TASP1: variants seen among roughly 807,000 people sequenced by gnomAD.
The protein encoded by TASP1 is taspase 1, also known as threonine aspartase 1.
A neutral mutation model predicts 56.6 loss-of-function variants in TASP1; 16 were observed. That is an observed-to-expected ratio of 0.28 (90% CI 0.19 to 0.43). The LOEUF is 0.43. TASP1 is among the 20% of genes least tolerant of loss of function. TASP1 has a pLI of 1.00. For synonymous variants in TASP1, 179 were observed against 184.2 expected, an observed-to-expected ratio of 0.97 and a Z score of 0.23; for missense variants, 393 against 511.6, an observed-to-expected ratio of 0.77 and a Z score of 2.24.
the TASP1 span, among the ~76,000 whole-genome samples, chr20:13,264,846 C>A: frequency 2.6e-5 from 4 of 152,178 alleles, no homozygotes; most frequent in South Asian, 8.3e-4. Context: ...TTCATCTCAG[C>A]AGAGCTTTCC....
the TASP1 span, among the ~76,000 whole-genome samples, chr20:13,304,135 T>C: frequency 5.9e-5 from 9 of 152,140 alleles, no homozygotes; most frequent in Non-Finnish European, 2.9e-5. Flanking sequence ...TTTTTGTAGG[T>C]TCAGCAGTGA....
chr20:13,504,934 A>G (rs1488848771), intron 10 of TASP1, among the ~76,000 whole-genome samples: 1 of 152,152 alleles, frequency 6.6e-6, no homozygotes, highest in Non-Finnish European at 1.5e-5. Context: ...CGGCAATAGT[A>G]CATCCCTACT....
chr20:13,300,924 T>A, the TASP1 span, among the ~76,000 whole-genome samples: 1 of 152,208 alleles, frequency 6.6e-6, no homozygotes, highest in African/African-American at 2.4e-5. Context: ...ACAGCCCAGA[T>A]GAGCAGGGCC....
At chr20:13,299,160 C>A in the TASP1 span, 100 of 1,610,538 alleles carry the variant, frequency 6.2e-5, no homozygotes, top group Non-Finnish European at 8.2e-5. This position sits in a 1 kb window ranked among gnomAD's most constrained non-coding sequence, Gnocchi z 5.8. Flanking sequence ...GCCCACTGCC[C>A]GGTACTGCAT....
chr20:13,603,515 T>C (rs1346290024), intron 4 of TASP1, among the ~76,000 whole-genome samples: 1 of 152,072 alleles, frequency 6.6e-6, no homozygotes, highest in Non-Finnish European at 1.5e-5. Context: ...ACTCTCCAGC[T>C]TGGGAAACAC....
the TASP1 span, among the ~76,000 whole-genome samples, chr20:13,129,941 G>GAAAA: frequency 6.8e-6 from 1 of 147,068 alleles, no homozygotes; most frequent in Non-Finnish European, 1.5e-5. Context: ...TCTTAAGAGA[G>GAAAA]AAAAAAAAAA....
chr20:13,428,154 C>T (rs886721003), intron 12 of TASP1, among the ~76,000 whole-genome samples: 4 of 152,118 alleles, frequency 2.6e-5, no homozygotes, highest in African/African-American at 7.2e-5. Context: ...TTTCATTGAT[C>T]GCCACATTCA....
the TASP1 span, among the ~76,000 whole-genome samples, chr20:13,268,143 T>TCTCTTCTCTTCTCTTCTC: frequency 6.6e-6 from 1 of 150,402 alleles, no homozygotes; most frequent in Non-Finnish European, 1.5e-5. Context: ...TCTCTTCTCT[T>TCTCTTCTCTTCTCTTCTC]CTCTTCTCTT....
intron 12 of TASP1, among the ~76,000 whole-genome samples, chr20:13,424,893 T>C (rs1212374143): frequency 6.6e-6 from 1 of 152,100 alleles, no homozygotes; most frequent in Non-Finnish European, 1.5e-5. Context: ...TTGGCACAAT[T>C]CTTCTCCATC....
Position 13,457,205 on chromosome 20 carries a change from G to A in TASP1, c.986-22051C>T, listed in dbSNP as rs570641465. ...TTGATGGGTTCAGCAAACCAACATG[G>A]CACATGTATACCTGTGTATCAAACC... On this transcript the variant is annotated intron_variant, in intron 11 of 13. Coordinates refer to ENST00000337743, the MANE Select transcript of TASP1 (RefSeq NM_017714.3). Among the ~76,000 whole-genome samples the A allele has an allele frequency of 7.2e-4, 109 of 152,002 alleles. No individual in the cohort carries two copies. The Middle Eastern group carries it at 0.01, about 14-fold the overall frequency.
chr20:13,610,224 G>T (rs974284470), intron 4 of TASP1, among the ~76,000 whole-genome samples: 4 of 152,220 alleles, frequency 2.6e-5, no homozygotes, highest in East Asian at 1.9e-4. Context: ...TAATGCCATG[G>T]GATTATGCAT....
chr20:13,558,529 T>C (rs1207530968), intron 8 of TASP1, among the ~76,000 whole-genome samples: 4 of 152,054 alleles, frequency 2.6e-5, no homozygotes, highest in Non-Finnish European at 5.9e-5. Flanking sequence ...AATTTTCTAA[T>C]ATATTAAACT....
chr20:13,191,406 C>A, the TASP1 span, among the ~76,000 whole-genome samples: 10 of 152,252 alleles, frequency 6.6e-5, no homozygotes, highest in East Asian at 1.9e-3. Flanking sequence ...TAGTATTCAT[C>A]TATTAAAAAT....
Position 13,478,398 on chromosome 20 carries a change from G to C in TASP1, c.985+4829C>G, listed in dbSNP as rs1467758713. Among the ~76,000 whole-genome samples the C allele has an allele frequency of 3.3e-5, 5 of 151,122 alleles. No individual in the cohort carries two copies. In the East Asian group the frequency reaches 9.7e-4, roughly 29 times the overall value. On this transcript the variant is annotated intron_variant, in intron 11 of 13. Coordinates refer to ENST00000337743, the MANE Select transcript of TASP1 (RefSeq NM_017714.3). ...ACGAATACTATTCAGCCACAAAAAAGAATGAAATCATGTCTTCTGAAGCAA... is the reference window on the plus strand; with the variant it reads ...ACGAATACTATTCAGCCACAAAAAACAATGAAATCATGTCTTCTGAAGCAA...
At position 13,457,098 on chromosome 20, in the gene TASP1, A is replaced by G. The variant is rs377658138; in HGVS notation, c.986-21944T>C. Among the ~76,000 whole-genome samples the G allele has an allele frequency of 3.9e-5, 6 of 152,064 alleles. No individual in the cohort carries two copies. In the East Asian group the frequency reaches 1.2e-3, roughly 29 times the overall value. On this transcript the variant is annotated intron_variant, in intron 11 of 13. Transcript: ENST00000337743. ...AGATCACTTGGACACAGGGCAGTGAACATCACACACTGGGGCCTGTTGGGG... is the reference window on the plus strand; with the variant it reads ...AGATCACTTGGACACAGGGCAGTGAGCATCACACACTGGGGCCTGTTGGGG...
At chr20:13,568,028 A>G (rs2046595016) in intron 7 of TASP1, among the ~76,000 whole-genome samples, 1 of 152,240 alleles carries the variant, frequency 6.6e-6, no homozygotes, top group Non-Finnish European at 1.5e-5. Context: ...AGACATAATT[A>G]GTGACAGGGA....
At chr20:13,221,533 C>A in the TASP1 span, among the ~76,000 whole-genome samples, 2 of 144,348 alleles carry the variant, frequency 1.4e-5, no homozygotes, top group African/African-American at 2.5e-5. Context: ...CCCCCGGCCT[C>A]GCGGTGGCTC....
At chr20:13,473,051 A>G (rs192265286) in intron 11 of TASP1, among the ~76,000 whole-genome samples, 8,352 of 151,210 alleles carry the variant, frequency 0.055, 326 homozygotes, top group African/African-American at 0.11. Context: ...CGTTTATTTC[A>G]GAACTATTCA....
At chr20:13,514,673 A>G (rs1365639039) in intron 10 of TASP1, among the ~76,000 whole-genome samples, 1 of 152,138 alleles carries the variant, frequency 6.6e-6, no homozygotes, top group Non-Finnish European at 1.5e-5. Flanking sequence ...TCAATATCCA[A>G]CTGAGATTTT....
Sources: gnomAD v4.1 joint callset for allele counts (sites outside exome capture counted in the v4.1 genomes callset) on GRCh38, gnomAD v4.1.1 for gene constraint, Gnocchi (gnomAD v3.1) non-coding constraint, MANE v1.5 for transcripts, NCBI Gene and HGNC (gene_info 2026-07-23, HGNC 2026-07-21) for gene names.